The following FSTL5 variants were observed in gnomAD, a reference collection of about 807,000 sequenced individuals.
FSTL5 encodes follistatin-related protein 5.
A neutral mutation model predicts 89.1 loss-of-function variants in FSTL5; 62 were observed. The ratio of observed to expected loss-of-function variants is 0.70; its 90% CI spans 0.57 to 0.86. The LOEUF (loss-of-function observed/expected upper bound fraction) is 0.86. Ranked by LOEUF, FSTL5 falls within the 40% of genes least tolerant of loss-of-function variation. The pLI is 0.00. For synonymous variants in FSTL5, 383 were observed against 346.2 expected, an observed-to-expected ratio of 1.11 and a Z score of -1.18; for missense variants, 1,057 against 1,001.6, an observed-to-expected ratio of 1.06 and a Z score of -0.75.
At chr4:161,593,585 A>G (rs1464875495) in intron 7 of FSTL5, among the ~76,000 whole-genome samples, 1 of 151,838 alleles carries the variant, frequency 6.6e-6, no homozygotes, top group Non-Finnish European at 1.5e-5. Flanking sequence ...GGGGAGGGAG[A>G]AGGGGAGGAA....
At chr4:161,604,393 A>G (rs1734364334) in intron 7 of FSTL5, among the ~76,000 whole-genome samples, 2 of 152,196 alleles carry the variant, frequency 1.3e-5, no homozygotes, top group South Asian at 4.1e-4. Context: ...TAAAAATTTT[A>G]AATAAAAATA....
chr4:161,963,760 GTATAAATATGACAC>G (rs1735245621), intron 3 of FSTL5, among the ~76,000 whole-genome samples: 1 of 152,056 alleles, frequency 6.6e-6, no homozygotes, highest in South Asian at 2.1e-4. Context: ...CCTTGGATAA[GTATAAATATGACAC>G]TATGCTGTGC....
At chr4:162,064,216 G>A (rs531280371) in intron 2 of FSTL5, among the ~76,000 whole-genome samples, 28 of 152,056 alleles carry the variant, frequency 1.8e-4, no homozygotes, top group Admixed American at 5.3e-4. Context: ...AATATTTACG[G>A]ATAAGAATTT....
At chr4:161,959,564 A>G (rs1180500605) in intron 3 of FSTL5, among the ~76,000 whole-genome samples, 1 of 152,118 alleles carries the variant, frequency 6.6e-6, no homozygotes, top group Non-Finnish European at 1.5e-5. Context: ...TGATAGCAGG[A>G]CATTTAGTCA....
At chr4:161,733,217 T>C (rs1212598105) in intron 6 of FSTL5, among the ~76,000 whole-genome samples, 1 of 151,958 alleles carries the variant, frequency 6.6e-6, no homozygotes, top group Middle Eastern at 3.2e-3. Context: ...TTTGTCCTAA[T>C]ACAGTTTATA....
intron 3 of FSTL5, among the ~76,000 whole-genome samples, chr4:162,029,650 A>T (rs1281722738): frequency 1.3e-5 from 2 of 152,128 alleles, no homozygotes; most frequent in African/African-American, 2.4e-5. Flanking sequence ...GTTTATCATC[A>T]TCGATTTTTT....
intron 7 of FSTL5, among the ~76,000 whole-genome samples, chr4:161,609,618 A>G (rs11100377): frequency 0.28 from 42,948 of 151,786 alleles, 6,582 homozygotes; most frequent in East Asian, 0.55. Context: ...TGAATGGTCT[A>G]AATTTTTTTT....
chr4:162,073,405 CACAGT>C (rs1217297667), intron 2 of FSTL5, among the ~76,000 whole-genome samples: 2 of 151,226 alleles, frequency 1.3e-5, no homozygotes, highest in East Asian at 2.0e-4. Context: ...TTGAAAACAC[CACAGT>C]AAAGTTTTTT....
At chr4:161,676,598 C>A (rs1232038602) in intron 6 of FSTL5, among the ~76,000 whole-genome samples, 3 of 151,864 alleles carry the variant, frequency 2.0e-5, no homozygotes, top group Non-Finnish European at 4.4e-5. Flanking sequence ...CACGTGTATA[C>A]CTATGTTAAC....
chr4:162,104,016 C>T (rs534057424), intron 2 of FSTL5, among the ~76,000 whole-genome samples: 5 of 152,208 alleles, frequency 3.3e-5, no homozygotes, highest in Admixed American at 1.3e-4. Context: ...AATCTTGCAA[C>T]TGCACTCTTC....
At chr4:162,105,158 T>G (rs1179231339) in intron 2 of FSTL5, among the ~76,000 whole-genome samples, 5 of 152,188 alleles carry the variant, frequency 3.3e-5, no homozygotes, top group Non-Finnish European at 7.3e-5. Context: ...TCTGAAATGA[T>G]CATCACCATC....
chr4:162,001,827 C>G, intron 3 of FSTL5, among the ~76,000 whole-genome samples: 1 of 151,822 alleles, frequency 6.6e-6, no homozygotes, highest in East Asian at 1.9e-4. Context: ...ACACAGAGTA[C>G]AAAAAAATGA....
intron 6 of FSTL5, among the ~76,000 whole-genome samples, chr4:161,730,908 T>G (rs1173835750): frequency 6.6e-6 from 1 of 152,196 alleles, no homozygotes; most frequent in Non-Finnish European, 1.5e-5. Context: ...AAATTGAGAA[T>G]TAATTGGGAT....
chr4:161,413,736 A>G (rs140729640), intron 15 of FSTL5, among the ~76,000 whole-genome samples: 94 of 152,340 alleles, frequency 6.2e-4, no homozygotes, highest in African/African-American at 2.2e-3. Context: ...GGAATACTAC[A>G]TAGACATAAA....
chr4:161,903,722 C>T (rs1214096196), intron 4 of FSTL5, among the ~76,000 whole-genome samples: 1 of 151,514 alleles, frequency 6.6e-6, no homozygotes, highest in Non-Finnish European at 1.5e-5. Context: ...TAGCTATAGA[C>T]AGTAAGCCAC....
At chr4:161,610,595 G>T (rs964395277) in intron 7 of FSTL5, among the ~76,000 whole-genome samples, 1 of 152,026 alleles carries the variant, frequency 6.6e-6, no homozygotes, top group African/African-American at 2.4e-5. Context: ...AAGAAAGTGG[G>T]GAGCATCATT....
At chr4:161,516,790 C>T (rs938134190) in intron 10 of FSTL5, among the ~76,000 whole-genome samples, 1 of 150,046 alleles carries the variant, frequency 6.7e-6, no homozygotes, top group African/African-American at 2.4e-5. Flanking sequence ...CTTAGTATAG[C>T]ACATAGGGGC....
At chr4:161,741,350 A>C (rs1161389199) in intron 6 of FSTL5, among the ~76,000 whole-genome samples, 1 of 152,170 alleles carries the variant, frequency 6.6e-6, no homozygotes, top group Non-Finnish European at 1.5e-5. Flanking sequence ...AAGGAAGAGA[A>C]CTGGAAAGAT....
chr4:161,698,290 AAAAC>A (rs1001865191), intron 6 of FSTL5, among the ~76,000 whole-genome samples: 7 of 152,158 alleles, frequency 4.6e-5, no homozygotes, highest in Admixed American at 1.3e-4. Context: ...GTTTAGGCCT[AAAAC>A]AAACAAACAA....
Sources: allele counts gnomAD v4.1 joint callset (sites outside exome capture counted in the v4.1 genomes callset), GRCh38; gene constraint gnomAD v4.1.1; transcripts MANE v1.5; gene names NCBI Gene and HGNC (gene_info 2026-07-23, HGNC 2026-07-21).